C1QTNF3: variants seen among roughly 807,000 people sequenced by gnomAD.
C1QTNF3 encodes complement C1q tumor necrosis factor-related protein 3.
A neutral mutation model predicts 32.6 loss-of-function variants in C1QTNF3; 26 were observed. That is an observed-to-expected ratio of 0.80 (90% CI 0.58 to 1.11). The LOEUF (loss-of-function observed/expected upper bound fraction) is 1.11, where lower values mean the gene tolerates loss of function less well. Ranked by LOEUF, C1QTNF3 falls within the 50% of genes least tolerant of loss-of-function variation. The probability of loss-of-function intolerance (pLI) is 0.00; values close to 1 mark genes in which losing one functional copy is unlikely to be tolerated. For missense variants in C1QTNF3, 362 were observed against 398.2 expected, an observed-to-expected ratio of 0.91 and a Z score of 0.77; for synonymous variants, 155 against 146.0, an observed-to-expected ratio of 1.06 and a Z score of -0.44.
chr5:34,161,672 T>C, the C1QTNF3 span, among the ~76,000 whole-genome samples: 942 of 152,326 alleles, frequency 6.2e-3, 9 homozygotes, highest in African/African-American at 0.022. Flanking sequence ...ACAGGAATTA[T>C]TACACTCTTT....
chr5:34,158,359 G>A, the C1QTNF3 span: 1 of 151,978 alleles, frequency 6.6e-6, no homozygotes, highest in East Asian at 1.9e-4. Flanking sequence ...CACCCGCCGC[G>A]GCCTCCCAAA....
Position 34,020,316 on chromosome 5 carries a change from G to T in C1QTNF3, c.*267C>A. 8.8e-6 allele frequency: 3 copies of T among 341,974 alleles called. No homozygotes were observed. The Admixed American group carries it at 1.3e-4, about 15-fold the overall frequency. The allele number at this position is 341,974 out of a possible 1,614,324, so 21.2% of individuals were successfully genotyped here. On this transcript the variant is annotated 3_prime_UTR_variant, in exon 6 of 6. Coordinates refer to ENST00000382065, the MANE Select transcript of C1QTNF3 (RefSeq NM_181435.6). ...AAAATATTTCCAACCTGCGTCAGAG[G>T]AGAATTATCTTTTAGGTGCCAAGGA...
At chr5:34,115,537 T>C in the C1QTNF3 span, among the ~76,000 whole-genome samples, 1 of 152,100 alleles carries the variant, frequency 6.6e-6, no homozygotes, top group African/African-American at 2.4e-5. Context: ...GAGACCATCC[T>C]GGCTAACACG....
At chr5:34,052,734 T>C in the C1QTNF3 span, among the ~76,000 whole-genome samples, 1 of 152,216 alleles carries the variant, frequency 6.6e-6, no homozygotes, top group African/African-American at 2.4e-5. Context: ...TTGGCTATTA[T>C]TACAGCTCAG....
chr5:34,073,030 A>T, the C1QTNF3 span, among the ~76,000 whole-genome samples: 1 of 152,234 alleles, frequency 6.6e-6, no homozygotes, highest in Non-Finnish European at 1.5e-5. Flanking sequence ...GAGAAATACC[A>T]TAAAAATGTA....
At chr5:34,155,805 A>G in the C1QTNF3 span, among the ~76,000 whole-genome samples, 3 of 114,120 alleles carry the variant, frequency 2.6e-5, 1 homozygote, top group African/African-American at 7.8e-5. Flanking sequence ...GTATGCCAAT[A>G]TATTAAACCA....
At chr5:34,035,508 C>T in intron 2 of C1QTNF3, 139 bp downstream of exon 2, 1 of 695,478 alleles carries the variant, frequency 1.4e-6, no homozygotes, top group East Asian at 2.8e-5. Flanking sequence ...AGCCTATGAA[C>T]CTGGTATTCC....
chr5:34,145,650 C>T, the C1QTNF3 span, among the ~76,000 whole-genome samples: 1 of 147,780 alleles, frequency 6.8e-6, no homozygotes, highest in South Asian at 2.2e-4. Context: ...CAGCATCAAC[C>T]TGATACCACA....
chr5:34,197,645 T>C, the C1QTNF3 span, among the ~76,000 whole-genome samples: 1 of 152,136 alleles, frequency 6.6e-6, no homozygotes, highest in Non-Finnish European at 1.5e-5. Flanking sequence ...TCGAAGTCTC[T>C]CATGAGTAAA....
the C1QTNF3 span, among the ~76,000 whole-genome samples, chr5:34,232,802 T>C: frequency 6.6e-6 from 1 of 152,236 alleles, no homozygotes; most frequent in Non-Finnish European, 1.5e-5. Flanking sequence ...AATTCACTAC[T>C]ACGGTTAGCA....
At chr5:34,236,577 T>C in the C1QTNF3 span, among the ~76,000 whole-genome samples, 3,232 of 125,914 alleles carry the variant, frequency 0.026, 128 homozygotes, top group African/African-American at 0.089. Context: ...TTTCTTTTTT[T>C]TTTTTTTTTT....
chr5:34,025,322 G>T (rs1490347013), intron 4 of C1QTNF3, among the ~76,000 whole-genome samples: 1 of 152,170 alleles, frequency 6.6e-6, no homozygotes, highest in East Asian at 1.9e-4. Context: ...AAATCAAAAT[G>T]ACAGGAAAAT....
At chr5:34,167,806 GTGT>G in the C1QTNF3 span, 1 of 152,174 alleles carries the variant, frequency 6.6e-6, no homozygotes, top group South Asian at 2.1e-4. Context: ...AATAAAGTAT[GTGT>G]TGTTTTCCTT....
chr5:34,075,465 A>G, the C1QTNF3 span, among the ~76,000 whole-genome samples: 1 of 151,728 alleles, frequency 6.6e-6, no homozygotes, highest in Non-Finnish European at 1.5e-5. Flanking sequence ...CATGGAAAGA[A>G]AAAGAATAGA....
At chr5:34,157,263 A>G in the C1QTNF3 span, among the ~76,000 whole-genome samples, 1 of 152,196 alleles carries the variant, frequency 6.6e-6, no homozygotes, top group Non-Finnish European at 1.5e-5. Context: ...AGTAGCCACA[A>G]CTGTATAAAA....
chr5:34,102,239 T>G, the C1QTNF3 span, among the ~76,000 whole-genome samples: 8 of 152,310 alleles, frequency 5.3e-5, no homozygotes, highest in East Asian at 1.3e-3. Flanking sequence ...GACATCTCAT[T>G]TCGTCTGATT....
the C1QTNF3 span, among the ~76,000 whole-genome samples, chr5:34,142,257 C>G: frequency 2.6e-5 from 4 of 152,058 alleles, no homozygotes; most frequent in Non-Finnish European, 5.9e-5. Flanking sequence ...CATGTGAAAC[C>G]CTGTCTCTAC....
rs116210172 is a variant in C1QTNF3, at chr5:34,024,610, C to T, written c.701-602G>A. On this transcript the variant is annotated intron_variant, in intron 4 of 5. Coordinates refer to ENST00000382065, the MANE Select transcript of C1QTNF3 (RefSeq NM_181435.6). ...GAAAGACCCAACTTAGACTCAGCAA[C>T]AGGACCTTGTCACTAAAAGTCTGTA... 6.1e-3 allele frequency among the ~76,000 whole-genome samples: 925 copies of T among 152,272 alleles called. 9 individuals carry two copies. The highest frequency in any genetic ancestry group is 0.021 in the African/African-American group (878 of 41,548).
chr5:34,049,292 T>C, the C1QTNF3 span, among the ~76,000 whole-genome samples: 4 of 152,198 alleles, frequency 2.6e-5, no homozygotes, highest in African/African-American at 9.6e-5. Flanking sequence ...CTCAGCCCTG[T>C]AGGGTCCCTT....
Sources: gnomAD v4.1 joint callset for allele counts (sites outside exome capture counted in the v4.1 genomes callset) on GRCh38, gnomAD v4.1.1 for gene constraint, MANE v1.5 for transcripts, NCBI Gene and HGNC (gene_info 2026-07-23, HGNC 2026-07-21) for gene names.